Variants in CEP170 observed in about 807,000 individuals in gnomAD.
The protein encoded by CEP170 is centrosomal protein 170, also known as centrosomal protein of 170 kDa.
A neutral mutation model predicts 151.9 loss-of-function variants in CEP170; 21 were observed. The ratio of observed to expected loss-of-function variants is 0.14; its 90% CI spans 0.10 to 0.20. CEP170 has a LOEUF of 0.20. Ranked by LOEUF, CEP170 falls within the 10% of genes least tolerant of loss-of-function variation. The probability of loss-of-function intolerance (pLI) is 1.00; values close to 1 mark genes in which losing one functional copy is unlikely to be tolerated. For synonymous variants in CEP170, 356 were observed against 648.8 expected, an observed-to-expected ratio of 0.55 and a Z score of 6.86; for missense variants, 964 against 1,892.9, an observed-to-expected ratio of 0.51 and a Z score of 9.11.
intron 16 of CEP170, among the ~76,000 whole-genome samples, chr1:243,139,110 T>C (rs1226593669): frequency 6.6e-6 from 1 of 151,866 alleles, no homozygotes; most frequent in Non-Finnish European, 1.5e-5. Context: ...TTTTTCTTTT[T>C]TTTTTTTTGG....
intron 10 of CEP170, chr1:243,176,807 A>G (rs1423063773): frequency 2.5e-6 from 1 of 397,806 alleles, no homozygotes; most frequent in Non-Finnish European, 4.9e-6. Flanking sequence ...TAAAAAGAAG[A>G]GGCTGTCACC....
In CEP170 at chr1:243,234,353, A is replaced by G. The variant is rs1032935828; in HGVS notation, c.-41-9032T>C. On this transcript the variant is annotated intron_variant, in intron 1 of 19. Transcript: ENST00000366542. ...CCAACAGGCATGAAAGGGTGACAAT[A>G]TTCTCCATGGGGTTGGCCCAGGACA... 2.0e-5 allele frequency among the ~76,000 whole-genome samples: 3 copies of G among 152,234 alleles called. 1 individual carries two copies. The highest frequency in any genetic ancestry group is 7.2e-5 in the African/African-American group (3 of 41,466).
chr1:243,233,026 T>C (rs1202155970), intron 1 of CEP170, among the ~76,000 whole-genome samples: 1 of 152,236 alleles, frequency 6.6e-6, no homozygotes, highest in East Asian at 1.9e-4. Flanking sequence ...AAATTAATCA[T>C]CTAACCTTTG....
intron 1 of CEP170, among the ~76,000 whole-genome samples, chr1:243,232,165 A>T (rs1417134815): frequency 6.6e-6 from 1 of 151,930 alleles, no homozygotes; most frequent in East Asian, 1.9e-4. Flanking sequence ...GGGTTTTGCC[A>T]TGTTTCCCAG....
intron 16 of CEP170, among the ~76,000 whole-genome samples, chr1:243,136,700 T>G (rs1201984955): frequency 6.6e-6 from 1 of 152,202 alleles, no homozygotes; most frequent in Non-Finnish European, 1.5e-5. Context: ...TTTGAAAAAT[T>G]TACGCAAAAT....
At chr1:243,182,184 G>T (rs2059660286) in intron 10 of CEP170, among the ~76,000 whole-genome samples, 1 of 151,680 alleles carries the variant, frequency 6.6e-6, no homozygotes, top group African/African-American at 2.4e-5. Context: ...TTGCCTTTTT[G>T]CATATGTCCA....
chr1:243,219,283 T>C (rs1021615288), intron 3 of CEP170, among the ~76,000 whole-genome samples: 4 of 152,254 alleles, frequency 2.6e-5, no homozygotes, highest in African/African-American at 9.6e-5. Context: ...GCATCTTTGC[T>C]TTCATAAACT....
intron 17 of CEP170, among the ~76,000 whole-genome samples, chr1:243,135,269 C>T (rs1270905261): frequency 5.3e-5 from 8 of 152,166 alleles, no homozygotes; most frequent in Admixed American, 3.9e-4. Context: ...TGCAGTGGTG[C>T]GATCTCGGCT....
At chr1:243,232,942 A>G (rs2063886619) in intron 1 of CEP170, among the ~76,000 whole-genome samples, 1 of 152,244 alleles carries the variant, frequency 6.6e-6, no homozygotes, top group Non-Finnish European at 1.5e-5. Flanking sequence ...CTATTTTTCA[A>G]TGAATGAGTA....
In CEP170 at chr1:243,185,649, C is replaced by T; in HGVS notation, c.1566+130G>A. ...GGTCTTACTGTTAAGTCTTGCAGTT[C>T]CCTAACAAAACCCTAAAATTCACAT... On this transcript the variant is annotated intron_variant, in intron 10 of 19. Transcript: ENST00000366542. This position sits in a 1 kb window ranked among gnomAD's most constrained non-coding sequence, Gnocchi z 4.9. 1 of 1,318,742 alleles carries T rather than the reference C, an allele frequency of 7.6e-7. No homozygotes were observed. Among genetic ancestry groups the T allele is most frequent in the Non-Finnish European group, 1.0e-6 (1 of 963,476 alleles). 81.7% of individuals were successfully genotyped at this position (1,318,742 alleles called of 1,614,324 possible). A position where few individuals can be genotyped will look rare whatever the true frequency, so the allele number is the denominator to read the frequency against.
At chr1:243,172,045 C>T (rs972717083) in intron 11 of CEP170, among the ~76,000 whole-genome samples, 4 of 152,118 alleles carry the variant, frequency 2.6e-5, no homozygotes, top group African/African-American at 4.8e-5. Flanking sequence ...GTACATGTTT[C>T]CTGGTATGAT....
rs754978054 is a variant in CEP170 at position 243,235,680 on chromosome 1, TA to T, written c.-41-10360del. On this transcript the variant is annotated intron_variant, in intron 1 of 19. Coordinates refer to ENST00000366542, the MANE Select transcript of CEP170 (RefSeq NM_014812.3). ...CTTAAATCTGATATAGCATTAAAAC[TA>T]AAAAAAAAAAAAAATTCTCATAAAA... 6.7e-3 allele frequency among the ~76,000 whole-genome samples: 914 copies of T among 135,610 alleles called. 1 individual carries two copies. Among genetic ancestry groups the T allele is most frequent in the African/African-American group, 8.2e-3 (303 of 37,080 alleles). The allele number at this position is 135,610 out of a possible 152,430, so 89.0% of individuals were successfully genotyped here.
chr1:243,235,570 C>G (rs773294550), intron 1 of CEP170, among the ~76,000 whole-genome samples: 25 of 151,722 alleles, frequency 1.6e-4, no homozygotes, highest in Non-Finnish European at 2.6e-4. Context: ...TAAATTTTAC[C>G]TTTATCATCT....
intron 1 of CEP170, among the ~76,000 whole-genome samples, chr1:243,241,525 C>T (rs956822338): frequency 3.3e-5 from 5 of 152,042 alleles, no homozygotes; most frequent in Non-Finnish European, 7.4e-5. Context: ...AGTGGTGGCT[C>T]GCGTCTGTAA....
chr1:243,233,134 A>C (rs980102533), intron 1 of CEP170, among the ~76,000 whole-genome samples: 3 of 152,142 alleles, frequency 2.0e-5, no homozygotes, highest in African/African-American at 7.2e-5. Context: ...AGCTGTTTTC[A>C]CTAGCAATCT....
chr1:243,192,615 A>G lies in CEP170; in HGVS notation c.632-1121T>C, dbSNP rs1469419038. On this transcript the variant is annotated intron_variant, in intron 7 of 19. Coordinates refer to ENST00000366542, the MANE Select transcript of CEP170 (RefSeq NM_014812.3). ...TCACTTACAGACAATTTATTAGGAA[A>G]ACAAGGCAATACAGGGAGACTAGGT... is the stretch of plus-strand genomic sequence containing the variant. Among the ~76,000 whole-genome samples, 23 of 152,212 alleles carry G rather than the reference A, an allele frequency of 1.5e-4. No homozygotes were observed. In the South Asian group the frequency reaches 4.6e-3, roughly 30 times the overall value.
chr1:243,172,298 C>G (rs1455023912), intron 11 of CEP170, among the ~76,000 whole-genome samples: 2 of 152,096 alleles, frequency 1.3e-5, no homozygotes, highest in Non-Finnish European at 2.9e-5. Context: ...AAGCATTTTA[C>G]AAGGAGATAC....
At chr1:243,209,298 G>A (rs1402329651) in intron 4 of CEP170, among the ~76,000 whole-genome samples, 1 of 151,786 alleles carries the variant, frequency 6.6e-6, no homozygotes, top group Admixed American at 6.6e-5. Context: ...AATTCTCCCT[G>A]CCTCAGCCTC....
At chr1:243,226,864 C>T (rs946948379) in intron 1 of CEP170, among the ~76,000 whole-genome samples, 3 of 152,126 alleles carry the variant, frequency 2.0e-5, no homozygotes, top group South Asian at 4.1e-4. Context: ...TGGTGTGCAC[C>T]TGTAATCCCA....
Sources: allele counts gnomAD v4.1 joint callset (sites outside exome capture counted in the v4.1 genomes callset), GRCh38; gene constraint gnomAD v4.1.1; non-coding constraint Gnocchi (gnomAD v3.1); transcripts MANE v1.5; gene names NCBI Gene and HGNC (gene_info 2026-07-23, HGNC 2026-07-21).